Variants in LRBA observed in about 807,000 individuals in gnomAD.
LRBA encodes LPS responsive beige-like anchor protein, also known as lipopolysaccharide-responsive and beige-like anchor protein.
LRBA carries 176 observed loss-of-function variants against 330.0 expected under a neutral mutation model. The ratio of observed to expected loss-of-function variants is 0.53; its 90% confidence interval spans 0.47 to 0.60. The LOEUF is 0.60. LRBA is among the 20% of genes least tolerant of loss of function. LRBA has a pLI of 0.00. For missense variants in LRBA, 3,259 were observed against 3,444.8 expected, an observed-to-expected ratio of 0.95 and a Z score of 1.35; for synonymous variants, 1,230 against 1,193.0, an observed-to-expected ratio of 1.03 and a Z score of -0.64.
At chr4:150,465,985 G>A (rs936204870) in intron 44 of LRBA, among the ~76,000 whole-genome samples, 14 of 151,952 alleles carry the variant, frequency 9.2e-5, no homozygotes, top group African/African-American at 3.1e-4. Flanking sequence ...TATATGGAAA[G>A]TACCCTGGGA....
chr4:150,780,707 T>C (rs936536979), intron 34 of LRBA, among the ~76,000 whole-genome samples: 6 of 77,812 alleles, frequency 7.7e-5, no homozygotes, highest in Non-Finnish European at 1.8e-4. Context: ...TAATACAAAG[T>C]CCTAATACAT....
At chr4:151,007,105 A>G (rs138710830) in intron 2 of LRBA, among the ~76,000 whole-genome samples, 4 of 152,368 alleles carry the variant, frequency 2.6e-5, no homozygotes, top group South Asian at 2.1e-4. Context: ...ACACATAGAT[A>G]AATGGAAAAG....
intron 35 of LRBA, among the ~76,000 whole-genome samples, chr4:150,751,098 C>T (rs1008529618): frequency 6.6e-6 from 1 of 151,976 alleles, no homozygotes; most frequent in African/African-American, 2.4e-5. Context: ...AACAGCAACA[C>T]CATGGAGCTT....
chr4:150,834,072 T>G (rs2126836437), intron 28 of LRBA, among the ~76,000 whole-genome samples: 1 of 152,336 alleles, frequency 6.6e-6, no homozygotes, highest in South Asian at 2.1e-4. Flanking sequence ...AGGCTCTGCT[T>G]CTCATTCTGA....
intron 40 of LRBA, among the ~76,000 whole-genome samples, chr4:150,520,617 G>A (rs768902642): frequency 2.4e-4 from 37 of 152,130 alleles, no homozygotes; most frequent in Admixed American, 9.2e-4. Context: ...TAAGAAGAAT[G>A]AGATCATATT....
chr4:150,792,374 T>C (rs115251392), intron 34 of LRBA, among the ~76,000 whole-genome samples: 2,196 of 152,158 alleles, frequency 0.014, 58 homozygotes, highest in African/African-American at 0.048. Flanking sequence ...GAGGAGGGGA[T>C]TGATTGAAAA....
At chr4:150,668,520 T>A (rs1334913450) in intron 37 of LRBA, among the ~76,000 whole-genome samples, 2 of 152,224 alleles carry the variant, frequency 1.3e-5, no homozygotes, top group Admixed American at 6.5e-5. Flanking sequence ...AAAGAGAATG[T>A]TAAAACAAAT....
intron 44 of LRBA, among the ~76,000 whole-genome samples, chr4:150,458,574 C>G (rs1754370940): frequency 1.3e-5 from 2 of 151,788 alleles, no homozygotes; most frequent in Admixed American, 1.3e-4. Flanking sequence ...TATCTAAATC[C>G]AAAGATTCCC....
chr4:150,581,423 G>A (rs1038162777), intron 40 of LRBA: 21 of 366,338 alleles, frequency 5.7e-5, no homozygotes, highest in Admixed American at 5.4e-4. Context: ...CTTTAAAGGA[G>A]GAAAAAACCT....
intron 2 of LRBA, among the ~76,000 whole-genome samples, chr4:150,977,877 C>T (rs938209126): frequency 6.6e-6 from 1 of 152,204 alleles, no homozygotes; most frequent in Admixed American, 6.5e-5. Flanking sequence ...CAGAATAGAG[C>T]ACCAGTCAGA....
At chr4:150,451,346 T>C (rs1753318715) in intron 44 of LRBA, among the ~76,000 whole-genome samples, 1 of 152,216 alleles carries the variant, frequency 6.6e-6, no homozygotes, top group African/African-American at 2.4e-5. Flanking sequence ...ACTGAAATCA[T>C]ACAGCGTATG....
intron 50 of LRBA, among the ~76,000 whole-genome samples, chr4:150,318,395 T>C (rs1732009783): frequency 6.6e-6 from 1 of 152,126 alleles, no homozygotes; most frequent in Non-Finnish European, 1.5e-5. Flanking sequence ...AGCTGTCTAA[T>C]GAATGAGCTA....
In LRBA at chr4:150,328,935, TAAC is replaced by T. The variant is rs1455886577; in HGVS notation, c.7363-3040_7363-3038del. Among the ~76,000 whole-genome samples the T allele has an allele frequency of 5.3e-5, 8 of 152,346 alleles. No individual in the cohort carries two copies. In the South Asian group the frequency reaches 1.4e-3, roughly 28 times the overall value. ...AATATTACATATAGTGTTTTGCACTTAACAATGTTTTGAGATGAAAGGTTATGG... is the reference window on the plus strand; with the variant it reads ...AATATTACATATAGTGTTTTGCACTTAATGTTTTGAGATGAAAGGTTATGG... On this transcript the variant is annotated intron_variant, in intron 48 of 56. Transcript: ENST00000651943.
intron 37 of LRBA, among the ~76,000 whole-genome samples, chr4:150,609,236 G>A (rs1198913712): frequency 2.6e-5 from 4 of 152,298 alleles, no homozygotes; most frequent in Middle Eastern, 3.4e-3. Flanking sequence ...CAGGAATCCA[G>A]CTTTAAGAGG....
At chr4:150,550,403 A>G (rs917883380) in intron 40 of LRBA, among the ~76,000 whole-genome samples, 1 of 152,192 alleles carries the variant, frequency 6.6e-6, no homozygotes, top group Admixed American at 6.5e-5. Flanking sequence ...GAAAATTACA[A>G]AATACAGCAA....
rs1330562330 is a variant in LRBA at position 150,928,899 on chromosome 4, C to T, written c.383G>A (p.Cys128Tyr). The T allele has an allele frequency of 6.2e-7, 1 of 1,613,942 alleles. No homozygotes were observed. The highest frequency in any genetic ancestry group is 8.5e-7 in the Non-Finnish European group (1 of 1,179,986). The part of the protein sequence containing the change: ...LKKSIRNLQV[C>Y]TEVGLVEKVL... ...TTTTTCAACAAGGCCTACTTCAGTG[C>T]AGACTTGAAGATTCCGTATGCTTTT... is the stretch of plus-strand genomic sequence containing the variant. Residue 128 changes from cysteine to tyrosine, a missense_variant, in exon 3 of 57, where the codon TGC becomes TAC. Physicochemically the swap from Cys to Tyr is radical, Grantham distance 194. Transcript: ENST00000651943.
chr4:150,639,817 G>GTATATATA (rs1561457992), intron 37 of LRBA, among the ~76,000 whole-genome samples: 1 of 5,366 alleles, frequency 1.9e-4, no homozygotes, highest in African/African-American at 5.1e-4. Context: ...GTGTGTGTGT[G>GTATATATA]TGTATATATA....
At chr4:150,879,778 G>A (rs1019611769) in intron 17 of LRBA, among the ~76,000 whole-genome samples, 14 of 152,104 alleles carry the variant, frequency 9.2e-5, no homozygotes, top group Non-Finnish European at 2.9e-5. Flanking sequence ...CCATGCTCAA[G>A]GATTGGAAGA....
At chr4:150,487,697 T>C (rs776971458) in intron 42 of LRBA, 35 bp downstream of exon 42, 2 of 1,263,296 alleles carry the variant, frequency 1.6e-6, no homozygotes, top group African/African-American at 1.5e-5. Context: ...ATTAAGACAC[T>C]TTACTTTCCC....
Sources: gnomAD v4.1 joint callset for allele counts (sites outside exome capture counted in the v4.1 genomes callset) on GRCh38, gnomAD v4.1.1 for gene constraint, MANE v1.5 for transcripts, NCBI Gene and HGNC (gene_info 2026-07-23, HGNC 2026-07-21) for gene names.